The following DOCK1 variants were observed in gnomAD, a reference collection of about 807,000 sequenced individuals.
DOCK1 encodes the protein dedicator of cytokinesis protein 1.
In DOCK1, 138 loss-of-function variants were observed where a neutral mutation model predicts 262.7. The observed-to-expected ratio is 0.53, with a 90% CI of 0.46 to 0.61. DOCK1 has a LOEUF of 0.61. DOCK1 is among the 20% of genes least tolerant of loss of function. The probability of loss-of-function intolerance (pLI) is 0.00; values close to 1 mark genes in which losing one functional copy is unlikely to be tolerated. For missense variants in DOCK1, 1,908 were observed against 2,370.7 expected (o/e 0.80, Z 4.05); for synonymous variants, 866 against 867.4 (o/e 1.00, Z 0.03).
chr10:127,302,215 G>A (rs1271270784), intron 29 of DOCK1, among the ~76,000 whole-genome samples: 1 of 152,138 alleles, frequency 6.6e-6, no homozygotes, highest in African/African-American at 2.4e-5. Flanking sequence ...AGCTTGCCAT[G>A]TACCTGAGTC....
chr10:127,359,660 TATTA>T (rs1458001460), intron 32 of DOCK1, among the ~76,000 whole-genome samples: 1 of 152,254 alleles, frequency 6.6e-6, no homozygotes, highest in Admixed American at 6.5e-5. Context: ...TTAGTCAAAA[TATTA>T]ATTATTTAGT....
At chr10:126,994,273 T>A (rs1323894927) in intron 6 of DOCK1, among the ~76,000 whole-genome samples, 2 of 152,124 alleles carry the variant, frequency 1.3e-5, no homozygotes, top group African/African-American at 2.4e-5. Context: ...ATTTGAGGAA[T>A]CAGAGAGAAT....
At chr10:127,199,665 A>AAAAT (rs1438884502) in intron 27 of DOCK1, among the ~76,000 whole-genome samples, 1 of 152,192 alleles carries the variant, frequency 6.6e-6, no homozygotes, top group Non-Finnish European at 1.5e-5. Context: ...AAAATATCAG[A>AAAAT]ATGGGGATTA....
chr10:126,952,949 G>A (rs2036428642), intron 1 of DOCK1, among the ~76,000 whole-genome samples: 1 of 17,202 alleles, frequency 5.8e-5, no homozygotes, highest in Non-Finnish European at 1.0e-4. Flanking sequence ...GGTGATGGTA[G>A]TGGTAGTATT....
At chr10:126,969,243 C>A (rs911037321) in intron 1 of DOCK1, among the ~76,000 whole-genome samples, 2 of 152,182 alleles carry the variant, frequency 1.3e-5, no homozygotes, top group Non-Finnish European at 2.9e-5. Flanking sequence ...TAGAGCAGAT[C>A]GTTTGCCAGA....
chr10:127,384,688 C>A lies in DOCK1; in HGVS notation c.3808-102C>A. 3.0e-6 allele frequency: 4 copies of A among 1,350,640 alleles called. 1 individual carries two copies. In the South Asian group the frequency reaches 6.0e-5, roughly 20 times the overall value. The allele number at this position is 1,350,640 out of a possible 1,614,324, so 83.7% of individuals were successfully genotyped here. On this transcript the variant is annotated intron_variant, in intron 37 of 51. Coordinates refer to ENST00000623213, the MANE Select transcript of DOCK1 (RefSeq NM_001290223.2). ...TGTTGACAGCAGCCACACATGTCTCCAGAACCGCGGCCCACACGCGTGTCC... is the reference window on the plus strand; with the variant it reads ...TGTTGACAGCAGCCACACATGTCTCAAGAACCGCGGCCCACACGCGTGTCC...
chr10:127,110,425 G>A, intron 25 of DOCK1, 71 bp downstream of exon 25: 2 of 1,389,586 alleles, frequency 1.4e-6, no homozygotes, highest in Non-Finnish European at 2.0e-6. Flanking sequence ...CCTCTGAATT[G>A]CCTCTTCTTG....
chr10:126,998,537 A>G (rs1403905981), intron 8 of DOCK1: 1 of 282,458 alleles, frequency 3.5e-6, no homozygotes, highest in African/African-American at 2.1e-5. Flanking sequence ...GATTGAAGTA[A>G]TACTTTGTTT....
At chr10:127,021,596 A>G (rs1057526) in intron 13 of DOCK1, among the ~76,000 whole-genome samples, 26,639 of 152,088 alleles carry the variant, frequency 0.18, 2,504 homozygotes, top group South Asian at 0.34. Context: ...TGACTTGTCC[A>G]AGGTCACACA....
Position 127,447,249 on chromosome 10 carries a change from C to T in DOCK1, c.5414-145C>T, listed in dbSNP as rs1017720689. 6.8e-6 allele frequency: 8 copies of T among 1,171,384 alleles called. No homozygotes were observed. In the African/African-American group the frequency reaches 1.1e-4, roughly 16 times the overall value. 72.6% of individuals were successfully genotyped at this position (1,171,384 alleles called of 1,614,324 possible). A position where few individuals can be genotyped will look rare whatever the true frequency, so the allele number is the denominator to read the frequency against. On this transcript the variant is annotated intron_variant, in intron 50 of 51. Coordinates refer to ENST00000623213, the MANE Select transcript of DOCK1 (RefSeq NM_001290223.2). ...TTTGTGTTCGCTCCCTCCCTGCCCT[C>T]ATCTGCTCTGTTGACAAACGTTTTC...
chr10:127,325,784 A>G (rs2062723017), intron 29 of DOCK1, among the ~76,000 whole-genome samples: 1 of 152,242 alleles, frequency 6.6e-6, no homozygotes, highest in South Asian at 2.1e-4. Context: ...TTACGAGGAC[A>G]AAGTAGTGAA....
intron 23 of DOCK1, among the ~76,000 whole-genome samples, chr10:127,062,172 C>T (rs1193881169): frequency 6.6e-6 from 1 of 152,070 alleles, no homozygotes; most frequent in Non-Finnish European, 1.5e-5. Context: ...TTCCTGACCT[C>T]AGGTGACCCA....
intron 1 of DOCK1, among the ~76,000 whole-genome samples, chr10:126,951,509 A>G (rs922243878): frequency 0.66 from 98,836 of 150,408 alleles, 32,837 homozygotes; most frequent in African/African-American, 0.72. Context: ...GATGGTGGTA[A>G]TGTTGTTTTT....
chr10:127,089,983 T>A (rs935840411), intron 23 of DOCK1, among the ~76,000 whole-genome samples: 1 of 152,208 alleles, frequency 6.6e-6, no homozygotes, highest in Non-Finnish European at 1.5e-5. Context: ...TGATGTAAAA[T>A]GTTTGTTGAG....
At chr10:127,008,002 G>A (rs768720001) in intron 10 of DOCK1, among the ~76,000 whole-genome samples, 1 of 152,216 alleles carries the variant, frequency 6.6e-6, no homozygotes, top group Non-Finnish European at 1.5e-5. Flanking sequence ...GCTGGCCAGC[G>A]TGGTAACCAC....
intron 29 of DOCK1, among the ~76,000 whole-genome samples, chr10:127,261,203 GTACCTGCA>G (rs777944720): frequency 4.7e-4 from 49 of 103,674 alleles, no homozygotes; most frequent in Non-Finnish European, 7.9e-4. Context: ...GTGTGTGTGT[GTACCTGCA>G]TGTGTGTGCA....
chr10:127,380,261 T>C, intron 36 of DOCK1, 139 bp downstream of exon 36: 1 of 667,716 alleles, frequency 1.5e-6, no homozygotes, highest in Admixed American at 3.6e-5. Context: ...TAGAGTTTGG[T>C]GGAGCTCCCA....
At chr10:127,091,424 T>G (rs569630854) in intron 23 of DOCK1, among the ~76,000 whole-genome samples, 3 of 152,358 alleles carry the variant, frequency 2.0e-5, no homozygotes, top group African/African-American at 7.2e-5. Context: ...CAGTGAGTTG[T>G]GAAGGTTGGT....
chr10:126,965,992 C>CT (rs2037643877), intron 1 of DOCK1, among the ~76,000 whole-genome samples: 1 of 152,138 alleles, frequency 6.6e-6, no homozygotes, highest in Non-Finnish European at 1.5e-5. Context: ...ATTTCGTATC[C>CT]TTTAGCAAAT....
Sources: allele counts gnomAD v4.1 joint callset (sites outside exome capture counted in the v4.1 genomes callset), GRCh38; gene constraint gnomAD v4.1.1; transcripts MANE v1.5; gene names NCBI Gene and HGNC (gene_info 2026-07-23, HGNC 2026-07-21).